The following GRID2 variants were observed in gnomAD, a reference collection of about 807,000 sequenced individuals.
The protein encoded by GRID2 is glutamate ionotropic receptor delta type subunit 2, also known as glutamate receptor ionotropic, delta-2.
A neutral mutation model predicts 114.8 loss-of-function variants in GRID2; 33 were observed. That is an observed-to-expected ratio of 0.29 (90% CI 0.22 to 0.38). The LOEUF (loss-of-function observed/expected upper bound fraction) is 0.38. Among genes scored for constraint, GRID2 ranks in the 10% least tolerant of loss-of-function variants. The pLI, the probability that GRID2 is intolerant of heterozygous loss-of-function variation, is 1.00. For synonymous variants in GRID2, 505 were observed against 449.9 expected, an observed-to-expected ratio of 1.12 and a Z score of -1.55; for missense variants, 1,184 against 1,257.7, an observed-to-expected ratio of 0.94 and a Z score of 0.89.
intron 2 of GRID2, among the ~76,000 whole-genome samples, chr4:92,934,915 G>C (rs1379867640): frequency 6.8e-6 from 1 of 146,512 alleles, no homozygotes; most frequent in African/African-American, 2.4e-5. Flanking sequence ...TTAAACGTTC[G>C]ACCTAAAACC....
intron 1 of GRID2, among the ~76,000 whole-genome samples, chr4:92,486,892 GAT>G (rs1477288414): frequency 2.6e-5 from 4 of 151,870 alleles, no homozygotes; most frequent in African/African-American, 9.7e-5. Flanking sequence ...CAGAGATATG[GAT>G]ATACAGTATA....
chr4:92,540,404 T>A (rs1393643013), intron 1 of GRID2, among the ~76,000 whole-genome samples: 13 of 152,112 alleles, frequency 8.5e-5, no homozygotes, highest in South Asian at 2.1e-4. Context: ...TCATCTGATA[T>A]AGGGCTAATA....
chr4:93,473,972 AT>A (rs1438395835), intron 11 of GRID2, among the ~76,000 whole-genome samples: 1 of 152,132 alleles, frequency 6.6e-6, no homozygotes, highest in Non-Finnish European at 1.5e-5. Context: ...GAAAGCAAAA[AT>A]ATAACTCACC....
At chr4:93,074,099 A>C (rs868735781) in intron 2 of GRID2, among the ~76,000 whole-genome samples, 4 of 152,334 alleles carry the variant, frequency 2.6e-5, no homozygotes, top group Middle Eastern at 3.4e-3. Flanking sequence ...GCCCTATTCT[A>C]AATACTACAA....
chr4:92,656,557 T>G (rs1008776702), intron 2 of GRID2, among the ~76,000 whole-genome samples: 4 of 151,674 alleles, frequency 2.6e-5, no homozygotes, highest in African/African-American at 9.7e-5. Flanking sequence ...TGGCACATGG[T>G]TAACAATTAC....
chr4:93,249,541 T>C (rs148451772), intron 8 of GRID2, among the ~76,000 whole-genome samples: 2,167 of 152,270 alleles, frequency 0.014, 47 homozygotes, highest in African/African-American at 0.048. Flanking sequence ...GTGTCCTCTC[T>C]TATTTCCTTC....
At chr4:92,519,877 C>T (rs1348599296) in intron 1 of GRID2, among the ~76,000 whole-genome samples, 4 of 151,792 alleles carry the variant, frequency 2.6e-5, no homozygotes, top group African/African-American at 9.7e-5. Context: ...AGTGAATTCT[C>T]TCTTACTCAG....
At chr4:93,078,779 G>T (rs7435581) in intron 2 of GRID2, among the ~76,000 whole-genome samples, 1 of 127,730 alleles carries the variant, frequency 7.8e-6, no homozygotes, top group Non-Finnish European at 1.6e-5. Context: ...TTTATATACT[G>T]TATATACTAA....
intron 4 of GRID2, among the ~76,000 whole-genome samples, chr4:93,178,380 ATTTTTT>A (rs11428288): frequency 1.7e-3 from 86 of 50,326 alleles, no homozygotes; most frequent in African/African-American, 2.1e-3. Context: ...TTGAAAATAG[ATTTTTT>A]TTTTTTTTTT....
At chr4:92,934,897 T>A (rs954488826) in intron 2 of GRID2, among the ~76,000 whole-genome samples, 1 of 146,864 alleles carries the variant, frequency 6.8e-6, no homozygotes, top group African/African-American at 2.4e-5. Flanking sequence ...TCAAGATGGA[T>A]TAAAGACTTA....
intron 13 of GRID2, among the ~76,000 whole-genome samples, chr4:93,527,869 C>T (rs1443828058): frequency 2.0e-5 from 3 of 152,022 alleles, no homozygotes; most frequent in African/African-American, 7.2e-5. Flanking sequence ...TCCCTCCTCC[C>T]ATTCCCTCTT....
chr4:92,431,106 T>C (rs1732417759), intron 1 of GRID2, among the ~76,000 whole-genome samples: 1 of 152,224 alleles, frequency 6.6e-6, no homozygotes, highest in Non-Finnish European at 1.5e-5. Flanking sequence ...ATATTTCTCT[T>C]GTCTGATTGC....
chr4:93,776,590 C>T (rs1392921416), downstream of GRID2, among the ~76,000 whole-genome samples: 1 of 152,106 alleles, frequency 6.6e-6, no homozygotes, highest in Non-Finnish European at 1.5e-5. Flanking sequence ...ACGGAGGCCA[C>T]GTTACAGAAT....
At chr4:93,733,765 T>C (rs1730691042) in intron 14 of GRID2, among the ~76,000 whole-genome samples, 1 of 152,076 alleles carries the variant, frequency 6.6e-6, no homozygotes, top group Non-Finnish European at 1.5e-5. Flanking sequence ...GCAGGATCTG[T>C]TGATGCTAAT....
intron 2 of GRID2, among the ~76,000 whole-genome samples, chr4:92,748,174 T>G (rs574624568): frequency 1.8e-4 from 28 of 152,200 alleles, no homozygotes; most frequent in Non-Finnish European, 3.5e-4. Context: ...AATACATTTT[T>G]TCTATGTTTC....
At chr4:93,582,664 A>T (rs555803631) in intron 13 of GRID2, among the ~76,000 whole-genome samples, 1 of 152,234 alleles carries the variant, frequency 6.6e-6, no homozygotes, top group East Asian at 1.9e-4. Context: ...TATCTCTCTC[A>T]TATTCCAGTT....
At chr4:93,143,490 A>G (rs973299932) in intron 4 of GRID2, among the ~76,000 whole-genome samples, 5 of 152,208 alleles carry the variant, frequency 3.3e-5, no homozygotes, top group African/African-American at 1.2e-4. Flanking sequence ...TGTAGAAAAG[A>G]AGTTTCCTAC....
At position 92,860,513 on chromosome 4, in the gene GRID2, C is replaced by T. The variant is rs184534499; in HGVS notation, c.245-224482C>T. Reference sequence around the variant, plus strand: ...GATGGCATTTCAAAGTAAATATTGCCTATAAAGAGAGTAAGAGTATACAAA... The same window carrying T: ...GATGGCATTTCAAAGTAAATATTGCTTATAAAGAGAGTAAGAGTATACAAA... On this transcript the variant is annotated intron_variant, in intron 2 of 15. Transcript: ENST00000282020. Among the ~76,000 whole-genome samples, 511 of 152,070 alleles carry T rather than the reference C, an allele frequency of 3.4e-3. 9 individuals carry two copies. The highest frequency in any genetic ancestry group is 7.8e-4 in the Non-Finnish European group (53 of 67,942).
intron 1 of GRID2, among the ~76,000 whole-genome samples, chr4:92,452,964 G>GTA (rs1189559613): frequency 6.6e-6 from 1 of 150,732 alleles, no homozygotes; most frequent in Non-Finnish European, 1.5e-5. Context: ...GTGTGTGTGT[G>GTA]TGCATACACT....
Sources: gnomAD v4.1 joint callset for allele counts (sites outside exome capture counted in the v4.1 genomes callset) on GRCh38, gnomAD v4.1.1 for gene constraint, MANE v1.5 for transcripts, NCBI Gene and HGNC (gene_info 2026-07-23, HGNC 2026-07-21) for gene names.